Variants in BTBD16 observed in about 807,000 individuals in gnomAD.
BTBD16 encodes BTB/POZ domain-containing protein 16.
Under a neutral mutation model 67.4 loss-of-function variants are expected in BTBD16, and 66 were observed. That is an observed-to-expected ratio of 0.98 (90% CI 0.80 to 1.20). The LOEUF (loss-of-function observed/expected upper bound fraction) is 1.20, where lower values mean the gene tolerates loss of function less well. Ranked by LOEUF, BTBD16 falls within the 50% of genes most tolerant of loss-of-function variation. The pLI is 0.00. For synonymous variants in BTBD16, 242 were observed against 236.4 expected (o/e 1.02, Z -0.22); for missense variants, 634 against 616.0 (o/e 1.03, Z -0.31).
intron 1 of BTBD16, among the ~76,000 whole-genome samples, chr10:122,273,245 TACACACATAC>T (rs2096333211): frequency 3.6e-5 from 5 of 139,438 alleles, no homozygotes; most frequent in South Asian, 2.3e-4. Flanking sequence ...TATATATATA[TACACACATAC>T]ATACATATAT....
intron 10 of BTBD16, among the ~76,000 whole-genome samples, chr10:122,318,742 C>T (rs1035163474): frequency 9.2e-5 from 14 of 152,140 alleles, no homozygotes; most frequent in African/African-American, 2.9e-4. Flanking sequence ...CATGCCAACA[C>T]GCCCGGCTAA....
chr10:122,326,965 G>C (rs1337520099), intron 10 of BTBD16, among the ~76,000 whole-genome samples: 2 of 152,206 alleles, frequency 1.3e-5, no homozygotes, highest in African/African-American at 4.8e-5. Context: ...GCAGCTGCTT[G>C]CTCCCTCCCA....
At chr10:122,281,761 T>G (rs563485928) in intron 3 of BTBD16, among the ~76,000 whole-genome samples, 8 of 152,228 alleles carry the variant, frequency 5.3e-5, no homozygotes, top group Non-Finnish European at 1.0e-4. Flanking sequence ...TATGTAACTC[T>G]TCCTAGTTAA....
intron 3 of BTBD16, among the ~76,000 whole-genome samples, chr10:122,280,668 C>T (rs1446320588): frequency 2.0e-5 from 3 of 151,798 alleles, no homozygotes; most frequent in South Asian, 2.1e-4. Context: ...CAATGACCCA[C>T]GTTAACCTAA....
intron 10 of BTBD16, among the ~76,000 whole-genome samples, chr10:122,309,493 C>A (rs1329017954): frequency 1.3e-5 from 2 of 150,562 alleles, no homozygotes; most frequent in East Asian, 2.0e-4. Flanking sequence ...TACAGGCAAG[C>A]GCCACCACAC....
intron 7 of BTBD16, among the ~76,000 whole-genome samples, chr10:122,295,013 G>A (rs1386300592): frequency 1.3e-5 from 2 of 152,238 alleles, no homozygotes; most frequent in Non-Finnish European, 2.9e-5. Context: ...ACCCTCTGCT[G>A]ACCGGTGAGG....
chr10:122,271,442 G>A lies in BTBD16; in HGVS notation c.-115G>A, dbSNP rs1270335402. 1 of 152,326 alleles carries A rather than the reference G, an allele frequency of 6.6e-6. No homozygotes were observed. Among genetic ancestry groups the A allele is most frequent in the African/African-American group, 2.4e-5 (1 of 41,482 alleles). The allele number at this position is 152,326 out of a possible 1,614,324, so 9.4% of individuals were successfully genotyped here. On this transcript the variant is annotated 5_prime_UTR_variant, in exon 1 of 16. It adds an upstream start codon to the 5' untranslated region. Coordinates refer to ENST00000260723, the MANE Select transcript of BTBD16 (RefSeq NM_144587.5). The stretch of plus-strand genomic sequence containing the variant: ...GCTCTCCTGTAACTCAGAGGCCAGT[G>A]TGATGGGAGTTCCTCCACTCAGCAC...
chr10:122,336,577 G>T lies in BTBD16; in HGVS notation c.1347G>T (p.Lys449Asn). The change falls in exon 15 of 16, where the codon AAG becomes AAT. Residue 449 changes from lysine to asparagine, a missense_variant. By Grantham distance (94) the Lys-to-Asn change is moderately conservative (BLOSUM62 0). Transcript: ENST00000260723. ...HVSLRAARLV[K>N]YEIRAEALVD... Reference sequence around the variant, plus strand: ...GCCTGCGAGCGGCACGCCTGGTGAAGTATGAGATCAGAGCAGAGGCCCTGG... The same window carrying T: ...GCCTGCGAGCGGCACGCCTGGTGAATTATGAGATCAGAGCAGAGGCCCTGG... 1 of 1,613,390 alleles carries T rather than the reference G, an allele frequency of 6.2e-7. No individual in the cohort carries two copies. Among genetic ancestry groups the T allele is most frequent in the Non-Finnish European group, 8.5e-7 (1 of 1,179,822 alleles).
At chr10:122,296,823 CA>C (rs1272304591) in intron 7 of BTBD16, among the ~76,000 whole-genome samples, 3 of 152,190 alleles carry the variant, frequency 2.0e-5, no homozygotes, top group African/African-American at 4.8e-5. Flanking sequence ...AGACGAACTA[CA>C]ATAGTCAAAG....
intron 2 of BTBD16, among the ~76,000 whole-genome samples, chr10:122,276,427 C>G (rs2096340683): frequency 6.6e-6 from 1 of 152,218 alleles, no homozygotes; most frequent in Admixed American, 6.5e-5. Context: ...AGTTTAATAT[C>G]TCTTTGTATG....
At chr10:122,297,219 C>T (rs1436850122) in intron 7 of BTBD16, among the ~76,000 whole-genome samples, 1 of 152,226 alleles carries the variant, frequency 6.6e-6, no homozygotes, top group African/African-American at 2.4e-5. Context: ...CTTTGCACAC[C>T]AAGGACCTCT....
intron 14 of BTBD16, among the ~76,000 whole-genome samples, chr10:122,335,372 A>C (rs1177972276): frequency 6.6e-6 from 1 of 152,234 alleles, no homozygotes; most frequent in African/African-American, 2.4e-5. Context: ...AATTTTGTTA[A>C]GCTGCAAAGC....
intron 10 of BTBD16, among the ~76,000 whole-genome samples, chr10:122,315,510 A>G (rs2096422367): frequency 6.6e-6 from 1 of 152,184 alleles, no homozygotes; most frequent in African/African-American, 2.4e-5. Context: ...TTTTGAGGTT[A>G]TACTAATTTC....
At chr10:122,332,080 C>T in intron 12 of BTBD16, 1 of 197,178 alleles carries the variant, frequency 5.1e-6, no homozygotes, top group Non-Finnish European at 1.0e-5. Context: ...AATTCCGCTC[C>T]CTCTCCTCCC....
intron 13 of BTBD16, 102 bp from the exon 14 acceptor site, chr10:122,334,779 C>T (rs1346899684): frequency 3.3e-5 from 23 of 704,934 alleles, no homozygotes; most frequent in Middle Eastern, 4.8e-4. Flanking sequence ...GCCTCAGCCT[C>T]CCAAAGTGCT....
chr10:122,288,245 G>A (rs1176027249), intron 5 of BTBD16, among the ~76,000 whole-genome samples: 2 of 152,176 alleles, frequency 1.3e-5, no homozygotes, highest in Admixed American at 6.5e-5. Context: ...TCCCTGCCAC[G>A]GGGTGGATGG....
chr10:122,311,003 G>A (rs1344115778), intron 10 of BTBD16, among the ~76,000 whole-genome samples: 1 of 122,426 alleles, frequency 8.2e-6, no homozygotes, highest in African/African-American at 3.5e-5. Context: ...AGCAGTGTCC[G>A]GAAGACAGGC....
At chr10:122,287,393 T>C (rs1181814831) in intron 5 of BTBD16, 1 of 983,014 alleles carries the variant, frequency 1.0e-6, no homozygotes, top group East Asian at 1.1e-4. Context: ...TTAACATGTC[T>C]AGAATGGGTC....
chr10:122,324,130 G>A (rs183092368), intron 10 of BTBD16, among the ~76,000 whole-genome samples: 21 of 152,268 alleles, frequency 1.4e-4, no homozygotes, highest in Non-Finnish European at 2.4e-4. Context: ...ATCTGACCCA[G>A]CCTTTACAGA....
Sources: gnomAD v4.1 joint callset for allele counts (sites outside exome capture counted in the v4.1 genomes callset) on GRCh38, gnomAD v4.1.1 for gene constraint, MANE v1.5 for transcripts, NCBI Gene and HGNC (gene_info 2026-07-23, HGNC 2026-07-21) for gene names.